DPP9: variants seen among roughly 807,000 people sequenced by gnomAD.
The protein encoded by DPP9 is dipeptidyl peptidase IV-related protein-2.
Under a neutral mutation model 110.7 loss-of-function variants are expected in DPP9, and 50 were observed. The observed-to-expected ratio is 0.45, with a 90% confidence interval of 0.36 to 0.57. The LOEUF (loss-of-function observed/expected upper bound fraction) is 0.57. Ranked by LOEUF, DPP9 falls within the 20% of genes least tolerant of loss-of-function variation. The probability of loss-of-function intolerance (pLI) is 0.00; values close to 1 mark genes in which losing one functional copy is unlikely to be tolerated. For missense variants in DPP9, 1,022 were observed against 1,217.9 expected, an observed-to-expected ratio of 0.84 and a Z score of 2.39; for synonymous variants, 561 against 514.4, an observed-to-expected ratio of 1.09 and a Z score of -1.23.
chr19:4,691,017 G>T, intron 13 of DPP9, 60 bp from the exon 14 acceptor site: 2 of 1,375,832 alleles, frequency 1.5e-6, no homozygotes, highest in Non-Finnish European at 2.0e-6. Context: ...GCGCCCAAAG[G>T]CACCCAGGCC....
intron 14 of DPP9, among the ~76,000 whole-genome samples, chr19:4,690,406 C>T (rs1334254935): frequency 6.6e-6 from 1 of 152,170 alleles, no homozygotes; most frequent in East Asian, 1.9e-4. Context: ...GCAGCTGGAG[C>T]GTGGGGTGAC....
At chr19:4,683,450 C>T (rs1467074664) in intron 19 of DPP9, 27 bp downstream of exon 19, 1 of 1,611,752 alleles carries the variant, frequency 6.2e-7, no homozygotes, top group African/African-American at 1.3e-5. Context: ...AGGGGCGTGG[C>T]TGAGGCCGGC....
intron 13 of DPP9, 65 bp from the exon 14 acceptor site, chr19:4,691,022 C>G: frequency 7.6e-7 from 1 of 1,316,650 alleles, no homozygotes; most frequent in South Asian, 1.2e-5. Context: ...CAAAGGCACC[C>G]AGGCCAAATT....
rs1260434494 is a variant in DPP9, at chr19:4,704,862, G to A, written c.427-558C>T. Among the ~76,000 whole-genome samples, 1 of 152,202 alleles carries A rather than the reference G, an allele frequency of 6.6e-6. No individual in the cohort carries two copies. Among genetic ancestry groups the A allele is most frequent in the Non-Finnish European group, 1.5e-5 (1 of 68,036 alleles). On this transcript the variant is annotated intron_variant, in intron 5 of 21. Coordinates refer to ENST00000262960, the MANE Select transcript of DPP9 (RefSeq NM_139159.5). The surrounding 1 kb of genome is among the most constrained non-coding windows in gnomAD (Gnocchi z 6.0). The stretch of plus-strand genomic sequence containing the variant: ...AAAAATACAAAAATTAGCCGGGTGT[G>A]GTGGCACGCGCCTGTAGTCCCAGCT...
At chr19:4,697,518 T>A (rs755672564) in intron 11 of DPP9, 33 bp downstream of exon 11, 1 of 1,587,182 alleles carries the variant, frequency 6.3e-7, no homozygotes, top group South Asian at 1.1e-5. Flanking sequence ...GCCCTGCAGG[T>A]GAATTCCTTG....
chr19:4,675,415 G>C lies in DPP9; in HGVS notation c.*1149C>G, dbSNP rs1289213375. ...AGAGCTCTTGGCGGGGAGGGAAGGG[G>C]AGAGGGAAATATAACCCTGAGGTGG... On this transcript the variant is annotated 3_prime_UTR_variant, in exon 22 of 22. Transcript: ENST00000262960. 2 of 151,846 alleles carry C rather than the reference G, an allele frequency of 1.3e-5. No individual in the cohort carries two copies. Among genetic ancestry groups the C allele is most frequent in the Non-Finnish European group, 2.9e-5 (2 of 67,914 alleles). 9.4% of individuals were successfully genotyped at this position (151,846 alleles called of 1,614,324 possible). A position where few individuals can be genotyped will look rare whatever the true frequency, so the allele number is the denominator to read the frequency against.
chr19:4,712,947 G>A (rs1018709486), intron 4 of DPP9, among the ~76,000 whole-genome samples: 2 of 152,216 alleles, frequency 1.3e-5, no homozygotes, highest in African/African-American at 4.8e-5. Context: ...ACGCGGGCCT[G>A]GGCTCAGGGG....
In DPP9 at chr19:4,715,015, T is replaced by C. The variant is rs916955374; in HGVS notation, c.57-678A>G. On this transcript the variant is annotated intron_variant, in intron 3 of 21. Transcript: ENST00000262960. ...CTTCTTTGATATATGTTTATATATA[T>C]ATACTTTTTTTTTTTTTTTTTTTTT... Among the ~76,000 whole-genome samples the C allele has an allele frequency of 9.1e-5, 12 of 131,456 alleles. No homozygotes were observed. In the Admixed American group the frequency reaches 1.1e-3, roughly 12 times the overall value. 86.2% of individuals were successfully genotyped at this position (131,456 alleles called of 152,430 possible).
Position 4,682,293 on chromosome 19 carries a change from G to A in DPP9, c.2474+403C>T, listed in dbSNP as rs1393348239. ...CAAAAGCATAAAATGGGACATCTGAGCTGGTCCCTGGCCCTGTGGACATCT... is the reference window on the plus strand; with the variant it reads ...CAAAAGCATAAAATGGGACATCTGAACTGGTCCCTGGCCCTGTGGACATCT... On this transcript the variant is annotated intron_variant, in intron 20 of 21. Coordinates refer to ENST00000262960, the MANE Select transcript of DPP9 (RefSeq NM_139159.5). This position sits in a 1 kb window ranked among gnomAD's most constrained non-coding sequence, Gnocchi z 7.1. Among the ~76,000 whole-genome samples the A allele has an allele frequency of 6.6e-6, 1 of 152,220 alleles. No individual in the cohort carries two copies. The highest frequency in any genetic ancestry group is 1.5e-5 in the Non-Finnish European group (1 of 68,038).
Position 4,689,737 on chromosome 19 carries a change from G to A in DPP9, c.1597-15C>T. 1.3e-6 allele frequency: 2 copies of A among 1,541,052 alleles called. No homozygotes were observed. The highest frequency in any genetic ancestry group is 1.2e-5 in the South Asian group (1 of 83,546). On this transcript the variant is annotated splice_polypyrimidine_tract_variant and intron_variant, in intron 14 of 21. Coordinates refer to ENST00000262960, the MANE Select transcript of DPP9 (RefSeq NM_139159.5). This position sits in a 1 kb window ranked among gnomAD's most constrained non-coding sequence, Gnocchi z 7.0. ...TTGACCCAGATCTGCAGGGGGACAG[G>A]GGATCCTCGTGATGCGTCCCAGATG...
rs1039439478 is a variant in DPP9, at chr19:4,718,432, G to T, written c.56+1419C>A. Among the ~76,000 whole-genome samples the T allele has an allele frequency of 6.6e-6, 1 of 152,214 alleles. No individual in the cohort carries two copies. Among genetic ancestry groups the T allele is most frequent in the South Asian group, 2.1e-4 (1 of 4,836 alleles). On this transcript the variant is annotated intron_variant, in intron 3 of 21. Coordinates refer to ENST00000262960, the MANE Select transcript of DPP9 (RefSeq NM_139159.5). This position sits in a 1 kb window ranked among gnomAD's most constrained non-coding sequence, Gnocchi z 4.3. ...GGCGTGGGGCAAGGGGCGTATGGGG[G>T]TGGTGAGGACAGGGTCCTACCCATG...
Position 4,699,460 on chromosome 19 carries a change from A to G in DPP9, c.1074+756T>C, listed in dbSNP as rs577205539. Among the ~76,000 whole-genome samples the G allele has an allele frequency of 7.4e-4, 112 of 152,154 alleles. 1 individual carries two copies. The highest frequency in any genetic ancestry group is 2.6e-3 in the African/African-American group (107 of 41,516). On this transcript the variant is annotated intron_variant, in intron 10 of 21. Coordinates refer to ENST00000262960, the MANE Select transcript of DPP9 (RefSeq NM_139159.5). ...TTGCAACTTCCGAGAGAACTGATCA[A>G]TGTGGGGCTATTGGGGGTCCCCTGG...
At position 4,683,099 on chromosome 19, in the gene DPP9, GCCT is replaced by G. The variant is rs758791101; in HGVS notation, c.2332-264_2332-262del. On this transcript the variant is annotated intron_variant, in intron 19 of 21. Transcript: ENST00000262960. ...GAGGGCCGGGTCCCACTGCCCGTCT[GCCT>G]CCTCCTCCTCCTCATCGCCGCCGCC... 2,965 of 1,470,296 alleles carry G rather than the reference GCCT, an allele frequency of 2.0e-3. 4 individuals carry two copies. Among genetic ancestry groups the G allele is most frequent in the South Asian group, 2.2e-3 (177 of 80,356 alleles). 91.1% of individuals were successfully genotyped at this position (1,470,296 alleles called of 1,614,324 possible). A position where few individuals can be genotyped will look rare whatever the true frequency, so the allele number is the denominator to read the frequency against.
chr19:4,702,546 G>T, intron 8 of DPP9, 57 bp downstream of exon 8: 3 of 1,338,340 alleles, frequency 2.2e-6, no homozygotes, highest in Non-Finnish European at 3.1e-6. Context: ...GACACAGCCT[G>T]TGATTCCAGG....
At chr19:4,688,048 A>G (rs1055841835) in intron 16 of DPP9, among the ~76,000 whole-genome samples, 1 of 152,140 alleles carries the variant, frequency 6.6e-6, no homozygotes, top group Non-Finnish European at 1.5e-5. Flanking sequence ...CACCCGCCTC[A>G]GCCTCCCAAA....
chr19:4,686,468 C>T (rs572460326), intron 16 of DPP9, among the ~76,000 whole-genome samples: 13 of 151,898 alleles, frequency 8.6e-5, no homozygotes, highest in South Asian at 4.2e-4. Flanking sequence ...TACAGGTGCG[C>T]GCCACCACAT....
chr19:4,688,454 A>G, intron 16 of DPP9: 1 of 339,394 alleles, frequency 2.9e-6, no homozygotes, highest in Non-Finnish European at 5.3e-6. Context: ...GGGAGCTCCC[A>G]GTGACAGGGT....
intron 4 of DPP9, among the ~76,000 whole-genome samples, chr19:4,708,390 C>G (rs1249140307): frequency 6.6e-6 from 1 of 152,186 alleles, no homozygotes; most frequent in Non-Finnish European, 1.5e-5. Context: ...TCTTTGGAAT[C>G]CCAACCAGCC....
At chr19:4,706,195 C>A (rs145138860) in intron 4 of DPP9, among the ~76,000 whole-genome samples, 1 of 151,852 alleles carries the variant, frequency 6.6e-6, no homozygotes, top group Non-Finnish European at 1.5e-5. Flanking sequence ...CCTGAATTAC[C>A]GAAGAAACAG....
Sources: gnomAD v4.1 joint callset for allele counts (sites outside exome capture counted in the v4.1 genomes callset) on GRCh38, gnomAD v4.1.1 for gene constraint, Gnocchi (gnomAD v3.1) non-coding constraint, MANE v1.5 for transcripts, NCBI Gene and HGNC (gene_info 2026-07-23, HGNC 2026-07-21) for gene names.